SLC35F3: variants seen among roughly 807,000 people sequenced by gnomAD.
SLC35F3 encodes the protein solute carrier family 35 member F3.
A neutral mutation model predicts 49.9 loss-of-function variants in SLC35F3; 25 were observed. The ratio of observed to expected loss-of-function variants is 0.50; its 90% CI spans 0.37 to 0.70. The LOEUF (loss-of-function observed/expected upper bound fraction) is 0.70, where lower values mean the gene tolerates loss of function less well. Among genes scored for constraint, SLC35F3 ranks in the 30% least tolerant of loss-of-function variants. SLC35F3 has a pLI of 0.00. For synonymous variants in SLC35F3, 275 were observed against 265.4 expected, an observed-to-expected ratio of 1.04 and a Z score of -0.35; for missense variants, 525 against 639.8, an observed-to-expected ratio of 0.82 and a Z score of 1.94.
In SLC35F3 at chr1:233,947,779, GGA is replaced by G. The variant is rs929586741; in HGVS notation, c.283+42030_283+42031del. On this transcript the variant is annotated intron_variant, in intron 2 of 7. Transcript: ENST00000366618. The stretch of plus-strand genomic sequence containing the variant: ...GAGAGAGAGAGAGAGAGAAGAGAGA[GGA>G]GAGAGAGAATGTGTGAACGTGTAGC... Among the ~76,000 whole-genome samples, 28 of 145,734 alleles carry G rather than the reference GGA, an allele frequency of 1.9e-4. 1 individual carries two copies. The highest frequency in any genetic ancestry group is 6.8e-4 in the South Asian group (3 of 4,416).
intron 2 of SLC35F3, among the ~76,000 whole-genome samples, chr1:234,184,456 T>C (rs1388026179): frequency 1.3e-5 from 2 of 152,228 alleles, no homozygotes; most frequent in Non-Finnish European, 2.9e-5. Flanking sequence ...TTAGCAGTGA[T>C]AGAGAAAACC....
intron 2 of SLC35F3, among the ~76,000 whole-genome samples, chr1:234,001,867 G>A (rs1044437585): frequency 6.6e-6 from 1 of 152,090 alleles, no homozygotes; most frequent in Non-Finnish European, 1.5e-5. Flanking sequence ...TTCTATTTTG[G>A]CATATCCATC....
intron 2 of SLC35F3, among the ~76,000 whole-genome samples, chr1:234,118,762 G>A (rs752019093): frequency 3.9e-5 from 6 of 152,108 alleles, no homozygotes; most frequent in South Asian, 2.1e-4. Context: ...AAGGTCACAC[G>A]CTGATATTCA....
rs535314295 is a variant in SLC35F3, at chr1:234,226,256, G to A, written c.284-5161G>A. 3.0e-4 allele frequency among the ~76,000 whole-genome samples: 46 copies of A among 152,254 alleles called. 1 individual carries two copies. In the South Asian group the frequency reaches 9.5e-3, roughly 32 times the overall value. On this transcript the variant is annotated intron_variant, in intron 2 of 7. Transcript: ENST00000366618. ...TGCAAGGCATCATCTCCCATTTCCT[G>A]TGCAATTCTATCTCCTTTACATTTG...
chr1:234,215,386 G>C (rs4920224), intron 2 of SLC35F3, among the ~76,000 whole-genome samples: 1 of 152,076 alleles, frequency 6.6e-6, no homozygotes, highest in Non-Finnish European at 1.5e-5. Context: ...ATGGAGAAGG[G>C]GGGCAGAGGG....
intron 2 of SLC35F3, among the ~76,000 whole-genome samples, chr1:234,120,669 C>T (rs920932465): frequency 7.9e-5 from 12 of 152,204 alleles, no homozygotes; most frequent in Admixed American, 5.9e-4. Flanking sequence ...GCAGCAAGAG[C>T]GTGAAGCTCA....
At chr1:233,937,980 G>A (rs936692240) in intron 2 of SLC35F3, among the ~76,000 whole-genome samples, 3 of 152,194 alleles carry the variant, frequency 2.0e-5, no homozygotes, top group African/African-American at 4.8e-5. Flanking sequence ...GAATTCAGGA[G>A]AGAAGATTGG....
intron 3 of SLC35F3, among the ~76,000 whole-genome samples, chr1:234,232,581 T>G (rs2102951823): frequency 7.0e-6 from 1 of 143,730 alleles, no homozygotes; most frequent in African/African-American, 2.6e-5. Context: ...CTGGCCAAGG[T>G]GACACAGTAG....
chr1:234,177,029 C>G (rs1459682175), intron 2 of SLC35F3, among the ~76,000 whole-genome samples: 1 of 152,190 alleles, frequency 6.6e-6, no homozygotes, highest in Non-Finnish European at 1.5e-5. Flanking sequence ...GTAATTCCCA[C>G]AATTCCCACA....
At chr1:233,954,282 A>C (rs1662658780) in intron 2 of SLC35F3, among the ~76,000 whole-genome samples, 1 of 151,760 alleles carries the variant, frequency 6.6e-6, no homozygotes, top group Non-Finnish European at 1.5e-5. Flanking sequence ...CTGGGATTAC[A>C]GGCGTGAGCC....
intron 2 of SLC35F3, among the ~76,000 whole-genome samples, chr1:233,963,458 G>A (rs905220217): frequency 4.6e-5 from 7 of 152,078 alleles, no homozygotes; most frequent in South Asian, 2.1e-4. Flanking sequence ...CCGCCACCAC[G>A]CCCAGCTAAT....
intron 4 of SLC35F3, among the ~76,000 whole-genome samples, chr1:234,312,338 T>C (rs183795867): frequency 1.3e-5 from 2 of 152,330 alleles, no homozygotes; most frequent in Admixed American, 6.5e-5. Flanking sequence ...AGGTCATCCA[T>C]GGGGTCCTCA....
intron 2 of SLC35F3, among the ~76,000 whole-genome samples, chr1:234,175,596 A>G (rs1454671629): frequency 2.0e-5 from 3 of 150,426 alleles, no homozygotes; most frequent in Admixed American, 6.7e-5. Flanking sequence ...TCAGGAGTTC[A>G]AGGTTACAGT....
intron 3 of SLC35F3, among the ~76,000 whole-genome samples, chr1:234,262,142 G>T (rs1387729857): frequency 3.3e-5 from 5 of 152,190 alleles, no homozygotes; most frequent in Non-Finnish European, 7.3e-5. Flanking sequence ...CAACTTTCAA[G>T]GCATTCTATA....
At chr1:234,111,692 C>T (rs1665409041) in intron 2 of SLC35F3, among the ~76,000 whole-genome samples, 1 of 152,194 alleles carries the variant, frequency 6.6e-6, no homozygotes, top group Non-Finnish European at 1.5e-5. Flanking sequence ...CCAGCAGTGA[C>T]GATCCAGTCC....
intron 2 of SLC35F3, among the ~76,000 whole-genome samples, chr1:234,139,304 A>G (rs1464420993): frequency 6.6e-6 from 1 of 152,226 alleles, no homozygotes; most frequent in Admixed American, 6.5e-5. Flanking sequence ...GAAATGTAGT[A>G]TGTTATCACT....
chr1:234,197,627 G>C (rs1666833529), intron 2 of SLC35F3, among the ~76,000 whole-genome samples: 1 of 152,178 alleles, frequency 6.6e-6, no homozygotes, highest in Admixed American at 6.5e-5. Flanking sequence ...AAGTGAGAGG[G>C]GCAGTTCTCC....
At chr1:234,111,009 G>A (rs1665397726) in intron 2 of SLC35F3, among the ~76,000 whole-genome samples, 1 of 152,104 alleles carries the variant, frequency 6.6e-6, no homozygotes, top group Non-Finnish European at 1.5e-5. Flanking sequence ...TAAGTTCATA[G>A]TGGCTATCTC....
intron 5 of SLC35F3, among the ~76,000 whole-genome samples, chr1:234,317,384 C>G (rs143091690): frequency 0.031 from 4,677 of 151,360 alleles, 109 homozygotes; most frequent in Middle Eastern, 0.082. Flanking sequence ...TGCTCTCCCC[C>G]CTCACTTCCC....
Sources: allele counts gnomAD v4.1 joint callset (sites outside exome capture counted in the v4.1 genomes callset), GRCh38; gene constraint gnomAD v4.1.1; transcripts MANE v1.5; gene names NCBI Gene and HGNC (gene_info 2026-07-23, HGNC 2026-07-21).